Variants in DUSP11 observed in about 807,000 individuals in gnomAD.
DUSP11 encodes RNA/RNP complex-1-interacting phosphatase.
A neutral mutation model predicts 41.4 loss-of-function variants in DUSP11; 27 were observed. The ratio of observed to expected loss-of-function variants is 0.65; its 90% CI spans 0.48 to 0.90. The LOEUF is 0.90. Among genes scored for constraint, DUSP11 ranks in the 40% least tolerant of loss-of-function variants. The pLI is 0.00. For missense variants in DUSP11, 465 were observed against 461.1 expected (o/e 1.01, Z -0.08); for synonymous variants, 188 against 159.3 (o/e 1.18, Z -1.35).
At chr2:73,766,322 A>C (rs903865866) in intron 8 of DUSP11, 96 bp downstream of exon 8, 2 of 1,236,932 alleles carry the variant, frequency 1.6e-6, no homozygotes, top group East Asian at 2.4e-5. Context: ...AAAAAAAAAA[A>C]ACGAAGAATT....
Position 73,766,936 on chromosome 2 carries a change from T to A in DUSP11, c.683-33A>T, listed in dbSNP as rs373870876. 1.1e-3 allele frequency: 1,704 copies of A among 1,579,146 alleles called. 39 individuals carry two copies. In the South Asian group the frequency reaches 0.018, roughly 17 times the overall value. On this transcript the variant is annotated intron_variant, in intron 6 of 8. Coordinates refer to ENST00000272444, the Ensembl canonical transcript of DUSP11. ...GAGGATAAACTGTTAGAAATAACTG[T>A]ACAAAAAGCAGATCTTTCCAGAAAA...
chr2:73,774,148 A>G lies in DUSP11; in HGVS notation c.451-225T>C, dbSNP rs1672636362. Among the ~76,000 whole-genome samples, 3 of 152,256 alleles carry G rather than the reference A, an allele frequency of 2.0e-5. No homozygotes were observed. In the South Asian group the frequency reaches 6.2e-4, roughly 31 times the overall value. On this transcript the variant is annotated intron_variant, in intron 3 of 8. Coordinates refer to ENST00000272444, the Ensembl canonical transcript of DUSP11. ...TACATAATAGATAGTCACTAGGTAT[A>G]CAAAACTGAAAGCAAATTCCATGTG...
At chr2:73,773,696 T>A in intron 4 of DUSP11, 104 bp downstream of exon 4, 1 of 1,171,746 alleles carries the variant, frequency 8.5e-7, no homozygotes, top group South Asian at 1.7e-5. Context: ...CACCTTAGCA[T>A]CATTAAATAC....
intron 2 of DUSP11, among the ~76,000 whole-genome samples, chr2:73,776,549 C>A (rs1299757048): frequency 1.3e-5 from 2 of 151,950 alleles, no homozygotes; most frequent in Non-Finnish European, 2.9e-5. Flanking sequence ...TATCCACATT[C>A]CATACCAGTG....
At chr2:73,765,863 T>C (rs1444858081) in intron 8 of DUSP11, among the ~76,000 whole-genome samples, 1 of 152,206 alleles carries the variant, frequency 6.6e-6, no homozygotes, top group Non-Finnish European at 1.5e-5. Context: ...CACATCAAAC[T>C]CTTGGCTTAA....
chr2:73,771,540 C>T (rs577022607), intron 4 of DUSP11, among the ~76,000 whole-genome samples: 8 of 152,014 alleles, frequency 5.3e-5, no homozygotes, highest in Admixed American at 5.2e-4. Flanking sequence ...GTCGCCCAGG[C>T]TGGAGTGCAG....
rs1377701963 is a variant in DUSP11 at position 73,767,119 on chromosome 2, A to G, written c.682+42T>C. 3 of 1,556,202 alleles carry G rather than the reference A, an allele frequency of 1.9e-6. No homozygotes were observed. The African/African-American group carries it at 4.1e-5, about 21-fold the overall frequency. The stretch of plus-strand genomic sequence containing the variant: ...AAATTCTTCTACATTTCCACCTTTA[A>G]CTTTAATAAAAGGGAAAAATAGTGT... On this transcript the variant is annotated intron_variant, in intron 6 of 8. Coordinates refer to ENST00000272444, the Ensembl canonical transcript of DUSP11.
chr2:73,762,807 C>T, exon 9 of DUSP11: 1 of 1,611,374 alleles, frequency 6.2e-7, no homozygotes. Context: ...CCAGGGGGAC[C>T]AGGAGGAGGG....
chr2:73,775,565 G>C (rs1672664316), intron 2 of DUSP11, among the ~76,000 whole-genome samples: 1 of 142,510 alleles, frequency 7.0e-6, no homozygotes, highest in Admixed American at 7.1e-5. Context: ...TTTTTAAAGA[G>C]ATAGGGTCAG....
chr2:73,770,065 T>C (rs915149792), intron 4 of DUSP11, among the ~76,000 whole-genome samples: 1 of 151,836 alleles, frequency 6.6e-6, no homozygotes, highest in Non-Finnish European at 1.5e-5. Flanking sequence ...CAGCCAGGTG[T>C]GGTGGCTCAC....
chr2:73,779,914 A>G (rs761441731), exon 1 of DUSP11: 1 of 1,614,182 alleles, frequency 6.2e-7, no homozygotes, highest in South Asian at 1.1e-5. Context: ...TTGGCTGAGG[A>G]GCGTCCTGAA....
chr2:73,772,479 T>C (rs1672601607), intron 4 of DUSP11, among the ~76,000 whole-genome samples: 1 of 152,200 alleles, frequency 6.6e-6, no homozygotes, highest in South Asian at 2.1e-4. Context: ...GTTCAGTCTA[T>C]CCAACTGACT....
intron 1 of DUSP11, 110 bp downstream of exon 1, chr2:73,779,764 C>G: frequency 6.6e-7 from 1 of 1,519,578 alleles, no homozygotes; most frequent in East Asian, 2.3e-5. Flanking sequence ...AAGCGGCGGA[C>G]AAGTCAAGCT....
intron 8 of DUSP11, among the ~76,000 whole-genome samples, chr2:73,765,092 T>C (rs926549888): frequency 1.2e-4 from 18 of 152,288 alleles, no homozygotes; most frequent in South Asian, 8.3e-4. Flanking sequence ...GGTAAAGTAT[T>C]ATTTCTGGGA....
At chr2:73,767,139 T>C (rs373082460) in intron 6 of DUSP11, 22 bp downstream of exon 6, 25 of 1,593,870 alleles carry the variant, frequency 1.6e-5, no homozygotes, top group East Asian at 4.5e-5. Context: ...AAGGGAAAAA[T>C]AGTGTCAACC....
intron 5 of DUSP11, chr2:73,768,975 A>T: frequency 8.4e-6 from 2 of 237,116 alleles, no homozygotes; most frequent in East Asian, 8.5e-5. Flanking sequence ...AAAAAAAAAA[A>T]GAATAAGGAG....
chr2:73,775,362 TTTC>T (rs1315381190), intron 2 of DUSP11, among the ~76,000 whole-genome samples: 24 of 151,306 alleles, frequency 1.6e-4, no homozygotes, highest in Admixed American at 1.2e-3. Context: ...CTTATAAATA[TTTC>T]TTTTCTTTTT....
Position 73,779,477 on chromosome 2 carries a change from T to C in DUSP11, c.242+397A>G, listed in dbSNP as rs1336586845. Reference sequence around the variant, plus strand: ...TTCTGGAAACAATACAAACCAACTTTCCATGTGAGATCTCAGGGCGCTACT... The same window carrying C: ...TTCTGGAAACAATACAAACCAACTTCCCATGTGAGATCTCAGGGCGCTACT... On this transcript the variant is annotated intron_variant, in intron 1 of 8. Transcript: ENST00000272444. 6 of 216,074 alleles carry C rather than the reference T, an allele frequency of 2.8e-5. No homozygotes were observed. The Admixed American group carries it at 3.1e-4, about 11-fold the overall frequency. The allele number at this position is 216,074 out of a possible 1,614,324, so 13.4% of individuals were successfully genotyped here.
At chr2:73,774,021 A>G (rs1672634278) in intron 3 of DUSP11, 98 bp from the exon 4 acceptor site, 1 of 1,071,236 alleles carries the variant, frequency 9.3e-7, no homozygotes. Context: ...AGAGATTATA[A>G]CAAACTTAAT....
Sources: gnomAD v4.1 joint callset for allele counts (sites outside exome capture counted in the v4.1 genomes callset) on GRCh38, gnomAD v4.1.1 for gene constraint, MANE v1.5 for transcripts, NCBI Gene and HGNC (gene_info 2026-07-23, HGNC 2026-07-21) for gene names.